The following ANKS1B variants were observed in gnomAD, a reference collection of about 807,000 sequenced individuals.
ANKS1B encodes the protein ankyrin repeat and sterile alpha motif domain-containing protein 1B.
In ANKS1B, 36 loss-of-function variants were observed where a neutral mutation model predicts 148.3. The ratio of observed to expected loss-of-function variants is 0.24; its 90% CI spans 0.19 to 0.32. ANKS1B has a LOEUF of 0.32. Ranked by LOEUF, ANKS1B falls within the 10% of genes least tolerant of loss-of-function variation. The pLI is 1.00. For synonymous variants in ANKS1B, 542 were observed against 560.8 expected (o/e 0.97, Z 0.47); for missense variants, 1,157 against 1,542.6 (o/e 0.75, Z 4.19).
chr12:99,287,372 T>C (rs2079278447), intron 12 of ANKS1B, among the ~76,000 whole-genome samples: 1 of 152,152 alleles, frequency 6.6e-6, no homozygotes, highest in African/African-American at 2.4e-5. Context: ...AATGCAGATA[T>C]TGCAACAGTG....
intron 17 of ANKS1B, among the ~76,000 whole-genome samples, chr12:98,882,683 T>C (rs1451068069): frequency 1.3e-5 from 2 of 151,958 alleles, no homozygotes; most frequent in Non-Finnish European, 2.9e-5. Flanking sequence ...AATCATCTGC[T>C]GCATGTTCAG....
chr12:98,746,219 C>T (rs916172996), intron 26 of ANKS1B, among the ~76,000 whole-genome samples: 5 of 152,160 alleles, frequency 3.3e-5, no homozygotes, highest in African/African-American at 1.2e-4. Context: ...CATGCCACTC[C>T]CCGGCTCTCA....
intron 1 of ANKS1B, among the ~76,000 whole-genome samples, chr12:99,983,860 T>C (rs2095744917): frequency 6.6e-6 from 1 of 152,160 alleles, no homozygotes; most frequent in Non-Finnish European, 1.5e-5. Flanking sequence ...GCACCAGGGC[T>C]CAGAGGAAAA....
At chr12:99,052,914 A>G (rs1279552883) in intron 17 of ANKS1B, among the ~76,000 whole-genome samples, 3 of 152,070 alleles carry the variant, frequency 2.0e-5, no homozygotes, top group Admixed American at 6.5e-5. Flanking sequence ...GGAGAACACA[A>G]AAATGCTTGG....
intron 14 of ANKS1B, among the ~76,000 whole-genome samples, chr12:99,221,773 C>T (rs1179470431): frequency 6.6e-6 from 1 of 152,130 alleles, no homozygotes; most frequent in East Asian, 1.9e-4. Flanking sequence ...TTTGGCAATA[C>T]TTATCAAAAG....
At chr12:99,623,140 A>G (rs1304180567) in intron 9 of ANKS1B, among the ~76,000 whole-genome samples, 1 of 152,094 alleles carries the variant, frequency 6.6e-6, no homozygotes, top group East Asian at 1.9e-4. Context: ...AACAGAATTA[A>G]AGACAAAAAC....
At chr12:99,009,011 A>G (rs924251134) in intron 17 of ANKS1B, among the ~76,000 whole-genome samples, 3 of 152,202 alleles carry the variant, frequency 2.0e-5, no homozygotes, top group African/African-American at 7.2e-5. Flanking sequence ...TGGGCTAGGA[A>G]TACCATTAGT....
chr12:99,911,959 C>A (rs1448972045), intron 1 of ANKS1B, among the ~76,000 whole-genome samples: 1 of 152,020 alleles, frequency 6.6e-6, no homozygotes, highest in Non-Finnish European at 1.5e-5. Context: ...ATAAATAATA[C>A]AGATTTAAGT....
At chr12:99,374,567 G>A (rs748948875) in intron 12 of ANKS1B, among the ~76,000 whole-genome samples, 2 of 152,180 alleles carry the variant, frequency 1.3e-5, no homozygotes, top group Non-Finnish European at 2.9e-5. Flanking sequence ...AATCTTAAAT[G>A]TATGTATAGT....
chr12:99,483,377 T>C (rs941142314), intron 10 of ANKS1B, among the ~76,000 whole-genome samples: 2 of 152,052 alleles, frequency 1.3e-5, no homozygotes, highest in African/African-American at 4.8e-5. Flanking sequence ...ATTATCTTTT[T>C]GATGTGCTGG....
intron 16 of ANKS1B, among the ~76,000 whole-genome samples, chr12:99,059,129 C>G (rs2041463205): frequency 6.6e-6 from 1 of 152,164 alleles, no homozygotes; most frequent in Non-Finnish European, 1.5e-5. Flanking sequence ...AAAATCATAT[C>G]TTCTGCTATA....
In ANKS1B at chr12:99,798,227, T is replaced by C. The variant is rs565501129; in HGVS notation, c.669+8177A>G. Among the ~76,000 whole-genome samples the C allele has an allele frequency of 2.0e-5, 3 of 151,802 alleles. No individual in the cohort carries two copies. The East Asian group carries it at 5.8e-4, about 29-fold the overall frequency. ...CAATTATGATAAGCAATAATGATTG[T>C]GGTGACGATCAGCAGAGAAAATAGC... On this transcript the variant is annotated intron_variant, in intron 4 of 26. Transcript: ENST00000683438.
At chr12:98,888,957 GC>G (rs2099746298) in intron 17 of ANKS1B, among the ~76,000 whole-genome samples, 1 of 152,164 alleles carries the variant, frequency 6.6e-6, no homozygotes, top group South Asian at 2.1e-4. Flanking sequence ...CAAAGAATGT[GC>G]CCAGAAGATA....
Position 99,369,777 on chromosome 12 carries a change from GATAGATAGATA to G in ANKS1B, c.1756+29843_1756+29853del, listed in dbSNP as rs1295107717. ...AGATAGATAGATAGATAGATAGATA[GATAGATAGATA>G]GATGGACGGACGGACAGACGGACGG... On this transcript the variant is annotated intron_variant, in intron 12 of 26. Transcript: ENST00000683438. 3.4e-5 allele frequency among the ~76,000 whole-genome samples: 5 copies of G among 145,164 alleles called. No individual in the cohort carries two copies. The East Asian group carries it at 6.5e-4, about 19-fold the overall frequency.
chr12:99,281,124 G>A (rs944028104), intron 12 of ANKS1B, among the ~76,000 whole-genome samples: 1 of 152,074 alleles, frequency 6.6e-6, no homozygotes, highest in Non-Finnish European at 1.5e-5. Flanking sequence ...GTAGGCATCT[G>A]GGGTCCCTGA....
intron 9 of ANKS1B, among the ~76,000 whole-genome samples, chr12:99,651,486 T>C (rs1413900707): frequency 1.3e-5 from 2 of 152,206 alleles, no homozygotes; most frequent in African/African-American, 4.8e-5. Context: ...TTTATCTTTA[T>C]ATTCAAGGAC....
chr12:99,460,861 A>G (rs1339418420), intron 10 of ANKS1B, among the ~76,000 whole-genome samples: 4 of 152,142 alleles, frequency 2.6e-5, no homozygotes, highest in African/African-American at 9.7e-5. Flanking sequence ...GTAAAAGTAG[A>G]TCTACCATTT....
intron 8 of ANKS1B, among the ~76,000 whole-genome samples, chr12:99,698,018 T>C (rs2054198732): frequency 6.6e-6 from 1 of 152,046 alleles, no homozygotes; most frequent in Non-Finnish European, 1.5e-5. Flanking sequence ...AACGTTAGAT[T>C]ACCTATATGG....
chr12:98,979,663 T>C (rs1489781099), intron 17 of ANKS1B, among the ~76,000 whole-genome samples: 1 of 107,384 alleles, frequency 9.3e-6, no homozygotes, highest in Non-Finnish European at 1.7e-5. Context: ...CTGGATGCTT[T>C]TAGATTTTTT....
Sources: allele counts gnomAD v4.1 joint callset (sites outside exome capture counted in the v4.1 genomes callset), GRCh38; gene constraint gnomAD v4.1.1; transcripts MANE v1.5; gene names NCBI Gene and HGNC (gene_info 2026-07-23, HGNC 2026-07-21).